Variants in ZMYND8 observed in about 807,000 individuals in gnomAD.
ZMYND8 encodes zinc finger MYND-type containing 8, also known as MYND-type zinc finger-containing chromatin reader ZMYND8.
In ZMYND8, 37 loss-of-function variants were observed where a neutral mutation model predicts 140.8. That is an observed-to-expected ratio of 0.26 (90% CI 0.20 to 0.35). The LOEUF (loss-of-function observed/expected upper bound fraction) is 0.35. Among genes scored for constraint, ZMYND8 ranks in the 10% least tolerant of loss-of-function variants. The probability of loss-of-function intolerance (pLI) is 1.00; values close to 1 mark genes in which losing one functional copy is unlikely to be tolerated. For missense variants in ZMYND8, 1,068 were observed against 1,570.0 expected (o/e 0.68, Z 5.40); for synonymous variants, 592 against 597.1 (o/e 0.99, Z 0.12).
chr20:47,354,162 A>G (rs1406492137), intron 1 of ZMYND8: 5 of 152,174 alleles, frequency 3.3e-5, no homozygotes, highest in African/African-American at 1.2e-4. Flanking sequence ...TCACAGTACC[A>G]GAGGAAAAGT....
chr20:47,282,099 C>T lies in ZMYND8; in HGVS notation c.998+3G>A. On this transcript the variant is annotated splice_donor_region_variant and intron_variant, in intron 10 of 22. Transcript: ENST00000471951. The stretch of plus-strand genomic sequence containing the variant: ...ATGTTCCAAGCCTGTTATTAACTCC[C>T]ACCTGTCATGTTGTCCAAAGAATCG... The T allele has an allele frequency of 6.2e-7, 1 of 1,611,444 alleles. No homozygotes were observed. The highest frequency in any genetic ancestry group is 8.5e-7 in the Non-Finnish European group (1 of 1,178,804).
At chr20:47,356,234 C>G in intron 1 of ZMYND8, 1 of 776,878 alleles carries the variant, frequency 1.3e-6, no homozygotes, top group Non-Finnish European at 1.7e-6. Flanking sequence ...TTTCTTCCCC[C>G]AGCAGGGCAT....
At chr20:47,350,063 A>G (rs2082645741) in intron 1 of ZMYND8, 2 of 1,401,342 alleles carry the variant, frequency 1.4e-6, no homozygotes, top group Non-Finnish European at 1.8e-6. Flanking sequence ...TCAATGCTGG[A>G]GCAGAAGAGA....
intron 2 of ZMYND8, among the ~76,000 whole-genome samples, chr20:47,339,698 G>C (rs540994106): frequency 1.3e-5 from 2 of 151,966 alleles, no homozygotes; most frequent in Admixed American, 1.3e-4. Context: ...GGATGGTCTC[G>C]ATCTCCTTAC....
intron 12 of ZMYND8, among the ~76,000 whole-genome samples, chr20:47,250,435 G>A (rs963074846): frequency 2.6e-5 from 4 of 152,076 alleles, no homozygotes; most frequent in Non-Finnish European, 5.9e-5. Flanking sequence ...TACTCCGGCC[G>A]ATCCCAAAAA....
At chr20:47,323,454 G>A (rs187254957) in intron 2 of ZMYND8, among the ~76,000 whole-genome samples, 1 of 151,838 alleles carries the variant, frequency 6.6e-6, no homozygotes, top group East Asian at 1.9e-4. Flanking sequence ...TCAAACTTCT[G>A]GGGTCAAGTG....
chr20:47,236,754 G>C (rs1418905418), intron 15 of ZMYND8, among the ~76,000 whole-genome samples: 1 of 152,184 alleles, frequency 6.6e-6, no homozygotes, highest in Non-Finnish European at 1.5e-5. Context: ...ATGCTAGGAT[G>C]ACCCCAACCC....
At chr20:47,262,966 T>G (rs1387313644) in intron 11 of ZMYND8, among the ~76,000 whole-genome samples, 7 of 151,940 alleles carry the variant, frequency 4.6e-5, no homozygotes, top group Non-Finnish European at 8.8e-5. Flanking sequence ...CCAGATGGAG[T>G]GAGGGAGACG....
chr20:47,299,593 T>C (rs1449901201), intron 3 of ZMYND8, among the ~76,000 whole-genome samples: 1 of 152,174 alleles, frequency 6.6e-6, no homozygotes, highest in East Asian at 1.9e-4. Context: ...TCTTTTTCTT[T>C]TTTTTCAGAG....
At chr20:47,299,415 C>T (rs1410917080) in intron 3 of ZMYND8, among the ~76,000 whole-genome samples, 1 of 152,198 alleles carries the variant, frequency 6.6e-6, no homozygotes, top group African/African-American at 2.4e-5. Flanking sequence ...TGCCACCATA[C>T]TAACAATGCT....
intron 11 of ZMYND8, among the ~76,000 whole-genome samples, chr20:47,268,460 AT>A (rs1280899570): frequency 1.3e-5 from 2 of 151,338 alleles, no homozygotes; most frequent in East Asian, 4.0e-4. Context: ...TGCCGGGCTA[AT>A]TTTTTGTATT....
chr20:47,240,892 T>C (rs1568962885), intron 14 of ZMYND8, among the ~76,000 whole-genome samples: 2 of 152,174 alleles, frequency 1.3e-5, no homozygotes, highest in South Asian at 2.1e-4. Context: ...AGTTTTGCTA[T>C]ATCACCCCGG....
In ZMYND8 at chr20:47,282,788, T is replaced by A. The variant is rs532708963; in HGVS notation, c.883-571A>T. 1.9e-4 allele frequency among the ~76,000 whole-genome samples: 29 copies of A among 151,980 alleles called. No individual in the cohort carries two copies. The East Asian group carries it at 4.8e-3, about 25-fold the overall frequency. ...GGGTTGGATTCTAGCTGTACCATTA[T>A]TATCTGGGCAGGCACGAGCAAGACA... is the stretch of plus-strand genomic sequence containing the variant. On this transcript the variant is annotated intron_variant, in intron 9 of 22. Coordinates refer to ENST00000471951, the MANE Select transcript of ZMYND8 (RefSeq NM_001281775.3).
intron 9 of ZMYND8, 57 bp from the exon 10 acceptor site, chr20:47,282,274 C>A: frequency 6.7e-7 from 1 of 1,500,938 alleles, no homozygotes; most frequent in African/African-American, 1.4e-5. Flanking sequence ...AAGATACTCA[C>A]TAAAGTTTGG....
At chr20:47,294,875 A>G (rs2148019042) in intron 4 of ZMYND8, 96 bp from the exon 5 acceptor site, 1 of 1,155,208 alleles carries the variant, frequency 8.7e-7, no homozygotes, top group Non-Finnish European at 1.3e-6. Context: ...GACAGACAAA[A>G]AGCAATTCTC....
At chr20:47,276,043 A>G (rs542811724) in intron 11 of ZMYND8, among the ~76,000 whole-genome samples, 5 of 152,372 alleles carry the variant, frequency 3.3e-5, no homozygotes, top group Admixed American at 2.0e-4. Context: ...TCCAAAATGC[A>G]GCGACATCTG....
Position 47,298,485 on chromosome 20 carries a change from C to T in ZMYND8, c.453+244G>A. On this transcript the variant is annotated intron_variant, in intron 4 of 22. Coordinates refer to ENST00000471951, the MANE Select transcript of ZMYND8 (RefSeq NM_001281775.3). The surrounding 1 kb of genome is among the most constrained non-coding windows in gnomAD (Gnocchi z 5.0). ...TGCAGAGATGACGACTACAGATCTC[C>T]AAGGAATCCAAGGACTCATGAGAAA... 1.0e-6 allele frequency: 1 copy of T among 985,364 alleles called. No individual in the cohort carries two copies. Among genetic ancestry groups the T allele is most frequent in the Non-Finnish European group, 1.2e-6 (1 of 829,920 alleles). 61.0% of individuals were successfully genotyped at this position (985,364 alleles called of 1,614,324 possible).
chr20:47,292,379 T>C (rs73304061), intron 5 of ZMYND8, among the ~76,000 whole-genome samples: 3,109 of 151,876 alleles, frequency 0.02, 109 homozygotes, highest in African/African-American at 0.072. Flanking sequence ...AAATCGAAGG[T>C]AATTCCTTGC....
intron 5 of ZMYND8, among the ~76,000 whole-genome samples, chr20:47,292,896 A>T (rs1334067861): frequency 6.6e-6 from 1 of 151,664 alleles, no homozygotes; most frequent in Admixed American, 6.6e-5. Flanking sequence ...TACAAAAAAT[A>T]ATAATAATAA....
Sources: allele counts gnomAD v4.1 joint callset (sites outside exome capture counted in the v4.1 genomes callset), GRCh38; gene constraint gnomAD v4.1.1; non-coding constraint Gnocchi (gnomAD v3.1); transcripts MANE v1.5; gene names NCBI Gene and HGNC (gene_info 2026-07-23, HGNC 2026-07-21).